FTO: variants seen among roughly 807,000 people sequenced by gnomAD.
FTO encodes alpha-ketoglutarate-dependent dioxygenase FTO.
A neutral mutation model predicts 63.9 loss-of-function variants in FTO; 47 were observed. The ratio of observed to expected loss-of-function variants is 0.74; its 90% CI spans 0.58 to 0.94. The LOEUF (loss-of-function observed/expected upper bound fraction) is 0.94. Ranked by LOEUF, FTO falls within the 40% of genes least tolerant of loss-of-function variation. The pLI, the probability that FTO is intolerant of heterozygous loss-of-function variation, is 0.00. For missense variants in FTO, 562 were observed against 618.1 expected, an observed-to-expected ratio of 0.91 and a Z score of 0.96; for synonymous variants, 207 against 224.4, an observed-to-expected ratio of 0.92 and a Z score of 0.69.
At chr16:53,949,712 AAAC>A (rs941526544) in intron 8 of FTO, among the ~76,000 whole-genome samples, 1 of 145,818 alleles carries the variant, frequency 6.9e-6, no homozygotes, top group African/African-American at 2.8e-5. Flanking sequence ...AAAAAAAAAA[AAAC>A]CCAGTGAGAC....
chr16:53,976,353 G>T (rs996295083), intron 8 of FTO, among the ~76,000 whole-genome samples: 1 of 151,956 alleles, frequency 6.6e-6, no homozygotes, highest in Non-Finnish European at 1.5e-5. Flanking sequence ...TCAAATGGAC[G>T]GGCAATTGGC....
intron 8 of FTO, among the ~76,000 whole-genome samples, chr16:53,970,927 T>G (rs1599117203): frequency 6.6e-6 from 1 of 152,336 alleles, no homozygotes; most frequent in Non-Finnish European, 1.5e-5. Context: ...TTCTAAATAA[T>G]AGACAGTGTG....
chr16:53,865,649 A>AT (rs1207029403), intron 4 of FTO, among the ~76,000 whole-genome samples: 3 of 152,120 alleles, frequency 2.0e-5, no homozygotes, highest in Non-Finnish European at 4.4e-5. Flanking sequence ...TTGTCTGCTT[A>AT]TCGTCTCCTC....
chr16:53,925,391 T>TG (rs1331926832), intron 7 of FTO, among the ~76,000 whole-genome samples: 4 of 152,058 alleles, frequency 2.6e-5, no homozygotes, highest in Non-Finnish European at 5.9e-5. Context: ...GATGGGTAGA[T>TG]GGGGAGGTCA....
chr16:53,892,094 T>C (rs1239865364), intron 7 of FTO, among the ~76,000 whole-genome samples: 1 of 152,156 alleles, frequency 6.6e-6, no homozygotes, highest in African/African-American at 2.4e-5. Flanking sequence ...ATTTCTTTTT[T>C]CTATTGGACA....
chr16:53,956,060 T>C (rs1165455413), intron 8 of FTO, among the ~76,000 whole-genome samples: 3 of 152,182 alleles, frequency 2.0e-5, no homozygotes, highest in Non-Finnish European at 2.9e-5. Context: ...GTATCTTTAA[T>C]TTTTTTCCTT....
intron 4 of FTO, among the ~76,000 whole-genome samples, chr16:53,851,436 G>C (rs1471310650): frequency 6.6e-6 from 1 of 150,708 alleles, no homozygotes; most frequent in Non-Finnish European, 1.5e-5. Context: ...TCCAGCCTGG[G>C]CAACAGAGTG....
chr16:53,797,820 A>G (rs949733354), intron 1 of FTO, among the ~76,000 whole-genome samples: 3 of 152,044 alleles, frequency 2.0e-5, no homozygotes, highest in African/African-American at 7.2e-5. Flanking sequence ...AAATTTCATG[A>G]AGTTTATCCT....
chr16:53,728,917 A>G (rs896782068), intron 1 of FTO, among the ~76,000 whole-genome samples: 3 of 151,402 alleles, frequency 2.0e-5, no homozygotes, highest in Non-Finnish European at 4.4e-5. Context: ...GCCCACCATC[A>G]TGACTGGTTT....
intron 1 of FTO, among the ~76,000 whole-genome samples, chr16:53,795,099 A>G (rs1164764894): frequency 1.3e-5 from 2 of 152,232 alleles, no homozygotes; most frequent in Non-Finnish European, 2.9e-5. Context: ...GATATGCAGA[A>G]ATGGAAGAGG....
intron 2 of FTO, among the ~76,000 whole-genome samples, chr16:53,812,889 C>G (rs1238493824): frequency 6.6e-6 from 1 of 152,160 alleles, no homozygotes; most frequent in Non-Finnish European, 1.5e-5. Flanking sequence ...ACCCTTAAGA[C>G]AGGTAAACCC....
chr16:53,913,910 C>A (rs181441928), intron 7 of FTO, among the ~76,000 whole-genome samples: 1 of 148,712 alleles, frequency 6.7e-6, no homozygotes, highest in Non-Finnish European at 1.5e-5. Flanking sequence ...ACCCTGGGGG[C>A]GGAGGCTGCT....
chr16:53,919,597 G>A (rs754250223), intron 7 of FTO, among the ~76,000 whole-genome samples: 34 of 152,136 alleles, frequency 2.2e-4, no homozygotes, highest in Admixed American at 1.3e-3. Context: ...GCCAACAAGC[G>A]GATAAAGAAA....
intron 3 of FTO, among the ~76,000 whole-genome samples, chr16:53,839,405 G>A (rs1198217698): frequency 6.6e-6 from 1 of 152,130 alleles, no homozygotes; most frequent in African/African-American, 2.4e-5. Context: ...TCACTGAGAA[G>A]TAAGAACACT....
Position 53,961,321 on chromosome 16 carries a change from T to C in FTO, c.1364+27212T>C, listed in dbSNP as rs562561956. Among the ~76,000 whole-genome samples the C allele has an allele frequency of 2.0e-4, 31 of 152,278 alleles. No individual in the cohort carries two copies. The South Asian group carries it at 6.2e-3, about 31-fold the overall frequency. On this transcript the variant is annotated intron_variant, in intron 8 of 8. Coordinates refer to ENST00000471389, the MANE Select transcript of FTO (RefSeq NM_001080432.3). Reference sequence around the variant, plus strand: ...TGCAGAGTCATTTAGCCAGCAGACATTCCTGACTATTAAAGCTAGTAGCAG... The same window carrying C: ...TGCAGAGTCATTTAGCCAGCAGACACTCCTGACTATTAAAGCTAGTAGCAG...
chr16:53,911,462 A>G (rs777553242), intron 7 of FTO: 53 of 703,008 alleles, frequency 7.5e-5, no homozygotes, highest in Non-Finnish European at 1.3e-4. Context: ...TGCATTCATC[A>G]TGGGAAGAAT....
At chr16:53,779,840 A>T (rs1245770914) in intron 1 of FTO, among the ~76,000 whole-genome samples, 2 of 152,102 alleles carry the variant, frequency 1.3e-5, no homozygotes, top group African/African-American at 4.8e-5. Flanking sequence ...TGTTTTAGAC[A>T]CCCTCATCTA....
intron 8 of FTO, among the ~76,000 whole-genome samples, chr16:54,016,340 G>A (rs1861552): frequency 2.7e-5 from 4 of 150,570 alleles, no homozygotes; most frequent in Non-Finnish European, 4.4e-5. Context: ...CTCTTGGACC[G>A]AGCAACAGTC....
chr16:53,924,005 A>C (rs1401704271), intron 7 of FTO, among the ~76,000 whole-genome samples: 1 of 152,142 alleles, frequency 6.6e-6, no homozygotes, highest in Non-Finnish European at 1.5e-5. Context: ...TGGGGAAAAA[A>C]CAAAAATAAG....
Sources: gnomAD v4.1 joint callset for allele counts (sites outside exome capture counted in the v4.1 genomes callset) on GRCh38, gnomAD v4.1.1 for gene constraint, MANE v1.5 for transcripts, NCBI Gene and HGNC (gene_info 2026-07-23, HGNC 2026-07-21) for gene names.